Variants in FHIT observed in about 807,000 individuals in gnomAD.
FHIT encodes the protein fragile histidine triad diadenosine triphosphatase.
A neutral mutation model predicts 17.9 loss-of-function variants in FHIT; 19 were observed. The ratio of observed to expected loss-of-function variants is 1.06; its 90% CI spans 0.74 to 1.56. The LOEUF (loss-of-function observed/expected upper bound fraction) is 1.56. Among genes scored for constraint, FHIT ranks in the 40% most tolerant of loss-of-function variants. The pLI is 0.00. For missense variants in FHIT, 248 were observed against 189.2 expected, an observed-to-expected ratio of 1.31 and a Z score of -1.82; for synonymous variants, 81 against 69.7, an observed-to-expected ratio of 1.16 and a Z score of -0.81.
At position 59,749,394 on chromosome 3, in the gene FHIT, AGGTCTAGGTATTTTAAG is replaced by A. The variant is rs1438119652; in HGVS notation, c.*174_*190del. 6 of 231,258 alleles carry A rather than the reference AGGTCTAGGTATTTTAAG, an allele frequency of 2.6e-5. No individual in the cohort carries two copies. Among genetic ancestry groups the A allele is most frequent in the African/African-American group, 1.3e-4 (6 of 45,220 alleles). The allele number at this position is 231,258 out of a possible 1,614,324, so 14.3% of individuals were successfully genotyped here. A position where few individuals can be genotyped will look rare whatever the true frequency, so the allele number is the denominator to read the frequency against. On this transcript the variant is annotated 3_prime_UTR_variant, in exon 10 of 10. Transcript: ENST00000492590. ...TCAAATCTGCCTGTCTGAGCCGTTT[AGGTCTAGGTATTTTAAG>A]GGAGTTGGAGTGACCGAGGTGGGGG...
At chr3:61,004,133 T>C (rs1445369011) in intron 3 of FHIT, among the ~76,000 whole-genome samples, 1 of 152,104 alleles carries the variant, frequency 6.6e-6, no homozygotes, top group African/African-American at 2.4e-5. Flanking sequence ...CACATGAATA[T>C]TGTGCAAGTG....
intron 3 of FHIT, among the ~76,000 whole-genome samples, chr3:61,018,234 C>A (rs1424662196): frequency 6.6e-6 from 1 of 152,142 alleles, no homozygotes; most frequent in African/African-American, 2.4e-5. Flanking sequence ...ACATGTCTGT[C>A]TGACTCCTTA....
chr3:60,182,998 G>A (rs1702007726), intron 5 of FHIT, among the ~76,000 whole-genome samples: 2 of 151,620 alleles, frequency 1.3e-5, no homozygotes, highest in African/African-American at 4.8e-5. Flanking sequence ...CTCCCCCTCT[G>A]CCCATTTCCT....
At chr3:60,128,770 C>A (rs998978790) in intron 5 of FHIT, among the ~76,000 whole-genome samples, 1 of 152,106 alleles carries the variant, frequency 6.6e-6, no homozygotes, top group East Asian at 1.9e-4. Flanking sequence ...ATAGTCCATT[C>A]CATGTATGCT....
intron 4 of FHIT, among the ~76,000 whole-genome samples, chr3:60,767,309 C>G (rs377320235): frequency 6.6e-6 from 1 of 152,106 alleles, no homozygotes. Context: ...ATAAAGACAC[C>G]ACAATGATGA....
intron 5 of FHIT, among the ~76,000 whole-genome samples, chr3:60,419,821 T>C (rs1300478243): frequency 6.6e-6 from 1 of 152,192 alleles, no homozygotes; most frequent in African/African-American, 2.4e-5. Context: ...AGTTTCTTAA[T>C]GGGTAAAATG....
At chr3:60,421,160 T>C (rs1702450644) in intron 5 of FHIT, among the ~76,000 whole-genome samples, 1 of 152,094 alleles carries the variant, frequency 6.6e-6, no homozygotes, top group Non-Finnish European at 1.5e-5. Flanking sequence ...GACCCATTTA[T>C]TTCTACTGCC....
At chr3:60,482,847 T>A (rs759983664) in intron 5 of FHIT, among the ~76,000 whole-genome samples, 1 of 148,220 alleles carries the variant, frequency 6.7e-6, no homozygotes, top group Non-Finnish European at 1.5e-5. Context: ...CTGAAGGAGA[T>A]AGAGACACAA....
chr3:59,854,326 A>C (rs545587476), intron 8 of FHIT, among the ~76,000 whole-genome samples: 2 of 152,306 alleles, frequency 1.3e-5, no homozygotes, highest in African/African-American at 4.8e-5. Context: ...GTGTCACTGA[A>C]CACAAATACG....
At chr3:60,725,010 T>G (rs937200012) in intron 4 of FHIT, among the ~76,000 whole-genome samples, 1 of 152,196 alleles carries the variant, frequency 6.6e-6, no homozygotes, top group Non-Finnish European at 1.5e-5. Flanking sequence ...GTAATGGTTT[T>G]GATTTGCACT....
intron 5 of FHIT, among the ~76,000 whole-genome samples, chr3:60,219,554 G>A (rs1029130886): frequency 1.3e-5 from 2 of 152,194 alleles, no homozygotes; most frequent in Middle Eastern, 6.8e-3. Context: ...CAGAATTTTA[G>A]AGAAACATCA....
intron 5 of FHIT, among the ~76,000 whole-genome samples, chr3:60,182,798 C>A (rs113989153): frequency 6.6e-6 from 1 of 151,524 alleles, no homozygotes; most frequent in Non-Finnish European, 1.5e-5. Flanking sequence ...ATCAATCAAT[C>A]AATCAATACT....
chr3:60,034,955 T>C (rs1459294805), intron 5 of FHIT, among the ~76,000 whole-genome samples: 2 of 152,240 alleles, frequency 1.3e-5, no homozygotes, highest in East Asian at 3.8e-4. Context: ...TTTATTATTA[T>C]CACTATCTCA....
chr3:60,710,663 C>T lies in FHIT; in HGVS notation c.-18+111256G>A, dbSNP rs376040097. Among the ~76,000 whole-genome samples the T allele has an allele frequency of 1.8e-4, 28 of 152,348 alleles. 1 individual carries two copies. The highest frequency in any genetic ancestry group is 6.5e-4 in the African/African-American group (27 of 41,600). On this transcript the variant is annotated intron_variant, in intron 4 of 9. Transcript: ENST00000492590. ...AGGGTCCTACACCCACGGAGTCTCA[C>T]TGATTGCTAGCACAGCAATCTGAGA... is the stretch of plus-strand genomic sequence containing the variant.
At position 59,891,321 on chromosome 3, in the gene FHIT, T is replaced by C. The variant is rs115141234; in HGVS notation, c.348+31025A>G. Among the ~76,000 whole-genome samples, 1,325 of 152,210 alleles carry C rather than the reference T, an allele frequency of 8.7e-3. 15 individuals carry two copies. Among genetic ancestry groups the C allele is most frequent in the Admixed American group, 0.028 (430 of 15,284 alleles). ...TAACCACAAACCAGGAAAAGCATGA[T>C]ATGGAAAAGGGAGTGGTTTATTCTG... On this transcript the variant is annotated intron_variant, in intron 8 of 9. Coordinates refer to ENST00000492590, the MANE Select transcript of FHIT (RefSeq NM_002012.4).
At position 59,749,158 on chromosome 3, in the gene FHIT, T is replaced by TATAAAAATTCAATATGTA. The variant is rs1334935320; in HGVS notation, c.*409_*426dup. ...CAGGGGTTTCATGAACCACTTAATG[T>TATAAAAATTCAATATGTA]ATAAAAATTCAATATGTAGACATTT... is the stretch of plus-strand genomic sequence containing the variant. On this transcript the variant is annotated 3_prime_UTR_variant, in exon 10 of 10. Coordinates refer to ENST00000492590, the MANE Select transcript of FHIT (RefSeq NM_002012.4). Among the ~76,000 whole-genome samples, 1 of 152,136 alleles carries TATAAAAATTCAATATGTA rather than the reference T, an allele frequency of 6.6e-6. No homozygotes were observed. The highest frequency in any genetic ancestry group is 1.5e-5 in the Non-Finnish European group (1 of 68,018).
chr3:60,729,146 A>T (rs1553710437), intron 4 of FHIT, among the ~76,000 whole-genome samples: 1 of 152,238 alleles, frequency 6.6e-6, no homozygotes, highest in African/African-American at 2.4e-5. Flanking sequence ...CGGATCAAAA[A>T]TAAAATAGCG....
chr3:60,958,528 T>C (rs1709275001), intron 3 of FHIT, among the ~76,000 whole-genome samples: 1 of 152,254 alleles, frequency 6.6e-6, no homozygotes, highest in Non-Finnish European at 1.5e-5. Flanking sequence ...TGTTTTATCA[T>C]TGGTAACTGG....
At chr3:60,555,621 G>C (rs552330428) in intron 4 of FHIT, among the ~76,000 whole-genome samples, 1 of 152,054 alleles carries the variant, frequency 6.6e-6, no homozygotes, top group African/African-American at 2.4e-5. Flanking sequence ...TCATCCTCTC[G>C]CCATGAGAGG....
Sources: gnomAD v4.1 joint callset for allele counts (sites outside exome capture counted in the v4.1 genomes callset) on GRCh38, gnomAD v4.1.1 for gene constraint, MANE v1.5 for transcripts, NCBI Gene and HGNC (gene_info 2026-07-23, HGNC 2026-07-21) for gene names.